Variants in DHX32 observed in about 807,000 individuals in gnomAD.
DHX32 encodes the protein putative pre-mRNA-splicing factor ATP-dependent RNA helicase DHX32.
A neutral mutation model predicts 70.0 loss-of-function variants in DHX32; 51 were observed. The observed-to-expected ratio is 0.73, with a 90% confidence interval of 0.58 to 0.92. The LOEUF is 0.92. DHX32 is among the 40% of genes least tolerant of loss of function. The pLI is 0.00. For synonymous variants in DHX32, 310 were observed against 315.3 expected (o/e 0.98, Z 0.18); for missense variants, 762 against 891.8 (o/e 0.85, Z 1.85).
Position 125,841,138 on chromosome 10 carries a change from T to G in DHX32, c.1544-142A>C. On this transcript the variant is annotated intron_variant, in intron 7 of 10. Transcript: ENST00000284690. ...AATAAATATGTTATTCTTGTTTACT[T>G]AGAAATCCCAGAAATTTAGAGTGAG... is the stretch of plus-strand genomic sequence containing the variant. 4 of 1,382,458 alleles carry G rather than the reference T, an allele frequency of 2.9e-6. No homozygotes were observed. In the South Asian group the frequency reaches 5.5e-5, roughly 19 times the overall value. 85.6% of individuals were successfully genotyped at this position (1,382,458 alleles called of 1,614,324 possible).
At chr10:125,855,615 ATTT>A (rs946792765) in intron 3 of DHX32, among the ~76,000 whole-genome samples, 3 of 151,278 alleles carry the variant, frequency 2.0e-5, no homozygotes, top group Non-Finnish European at 4.4e-5. Flanking sequence ...TGGCCGGCTA[ATTT>A]TTTTTGTATT....
intron 4 of DHX32, chr10:125,853,395 A>G (rs1944117291): frequency 2.3e-6 from 1 of 437,806 alleles, no homozygotes; most frequent in Non-Finnish European, 4.0e-6. Flanking sequence ...AGAGTTTGAG[A>G]TACCTTGTTT....
chr10:125,859,875 CA>C lies in DHX32; in HGVS notation c.576del (p.Ile192MetfsTer15), dbSNP rs1213742945. 1 of 1,614,026 alleles carries C rather than the reference CA, an allele frequency of 6.2e-7. No homozygotes were observed. Among genetic ancestry groups the C allele is most frequent in the South Asian group, 1.1e-5 (1 of 91,068 alleles). ...IILDDIHERSIATDVLLGLLK... is the reference protein window; with the variant it reads ...IILDDIHERSXATDVLLGLLK... ...AGAAGTCCAAGTAACACATCAGTTG[CA>C]ATGCTTCTTTCATGAATATCATCTA... is the stretch of plus-strand genomic sequence containing the variant. On this transcript the variant is annotated frameshift_variant, in exon 3 of 11. Coordinates refer to ENST00000284690, the MANE Select transcript of DHX32 (RefSeq NM_018180.3). LOFTEE classifies it high-confidence loss of function.
At chr10:125,857,891 T>A (rs926502512) in intron 3 of DHX32, among the ~76,000 whole-genome samples, 5 of 150,778 alleles carry the variant, frequency 3.3e-5, no homozygotes, top group African/African-American at 7.4e-5. Context: ...TTTTTTTTTT[T>A]AATTTTTCAT....
chr10:125,850,354 CTTTTTTTTTTT>C (rs765077777), intron 6 of DHX32, among the ~76,000 whole-genome samples: 4 of 124,560 alleles, frequency 3.2e-5, no homozygotes, highest in African/African-American at 1.2e-4. Context: ...TTCTTTCTTT[CTTTTTTTTTTT>C]TTTTTTTTTG....
intron 4 of DHX32, chr10:125,853,437 TAAAG>T (rs1011337985): frequency 1.3e-5 from 4 of 315,628 alleles, no homozygotes; most frequent in East Asian, 5.4e-5. Context: ...TTAAAAGTAA[TAAAG>T]AATATTTTGT....
intron 2 of DHX32, among the ~76,000 whole-genome samples, chr10:125,864,645 T>C (rs1944207963): frequency 6.6e-6 from 1 of 152,040 alleles, no homozygotes; most frequent in South Asian, 2.1e-4. Context: ...AGAAGTATCT[T>C]AGGCTGGGTG....
Position 125,859,766 on chromosome 10 carries a change from T to C in DHX32, c.686A>G (p.Tyr229Cys). 1 of 1,614,126 alleles carries C rather than the reference T, an allele frequency of 6.2e-7. No homozygotes were observed. The highest frequency in any genetic ancestry group is 8.5e-7 in the Non-Finnish European group (1 of 1,179,996). Residue 229 changes from tyrosine to cysteine, a missense_variant, in exon 3 of 11, where the codon TAT becomes TGT. Transcript: ENST00000284690. Reference protein sequence around the residue: ...PHLISKLNSYYGNVPVIEVKN... With the variant: ...PHLISKLNSYCGNVPVIEVKN... ...CACTTCTATGACAGGCACGTTTCCA[T>C]AATAAGAATTGAGTTTGCTGATCAG... is the stretch of plus-strand genomic sequence containing the variant.
Position 125,836,499 on chromosome 10 carries a change from G to T in DHX32, c.*188C>A, listed in dbSNP as rs1854689694. 7.3e-7 allele frequency: 1 copy of T among 1,372,424 alleles called. No homozygotes were observed. The highest frequency in any genetic ancestry group is 1.7e-5 in the South Asian group (1 of 57,342). The allele number at this position is 1,372,424 out of a possible 1,614,324, so 85.0% of individuals were successfully genotyped here. ...CTTTTCCAAGAAGAAGAAAAGCATG[G>T]AGTAGTAATTTAAAGAACTCAATAA... On this transcript the variant is annotated 3_prime_UTR_variant, in exon 11 of 11. Coordinates refer to ENST00000284690, the MANE Select transcript of DHX32 (RefSeq NM_018180.3).
intron 1 of DHX32, among the ~76,000 whole-genome samples, chr10:125,879,090 C>T (rs571626701): frequency 2.4e-5 from 3 of 123,514 alleles, no homozygotes; most frequent in African/African-American, 9.4e-5. Context: ...GTGGCATGAA[C>T]ATGGCTCACT....
chr10:125,886,951 G>T (rs1384716522), intron 1 of DHX32, among the ~76,000 whole-genome samples: 1 of 152,302 alleles, frequency 6.6e-6, no homozygotes, highest in East Asian at 1.9e-4. Flanking sequence ...ATGTCTTTCT[G>T]TCTCTTTACT....
Position 125,895,753 on chromosome 10 carries a change from C to T in DHX32, c.-248+465G>A, listed in dbSNP as rs1167369510. On this transcript the variant is annotated intron_variant, in intron 1 of 2. Coordinates refer to the DHX32 transcript ENST00000415732. ...CAAATCAACACACAAAAAACGAAGC[C>T]AGCGAGAAAGATCCAACCCGGGCCC... Among the ~76,000 whole-genome samples, 6 of 152,346 alleles carry T rather than the reference C, an allele frequency of 3.9e-5. No homozygotes were observed. In the South Asian group the frequency reaches 1.0e-3, roughly 26 times the overall value.
Position 125,880,965 on chromosome 10 carries a change from C to T in DHX32, c.-141G>A. On this transcript the variant is annotated 5_prime_UTR_variant, in exon 1 of 11. Transcript: ENST00000284690. Reference sequence around the variant, plus strand: ...CTAAGACTTCAGTTCAAGGTTTTAGCAAGTTAAATTCCTCAAACCTGCATC... The same window carrying T: ...CTAAGACTTCAGTTCAAGGTTTTAGTAAGTTAAATTCCTCAAACCTGCATC... 3 of 1,043,990 alleles carry T rather than the reference C, an allele frequency of 2.9e-6. No individual in the cohort carries two copies. In the South Asian group the frequency reaches 4.9e-5, roughly 17 times the overall value. 64.7% of individuals were successfully genotyped at this position (1,043,990 alleles called of 1,614,324 possible).
intron 1 of DHX32, among the ~76,000 whole-genome samples, chr10:125,875,750 T>G (rs1374264860): frequency 6.6e-6 from 1 of 152,230 alleles, no homozygotes; most frequent in Non-Finnish European, 1.5e-5. Context: ...GAAGGAGATC[T>G]GACCTGACAA....
intron 2 of DHX32, among the ~76,000 whole-genome samples, 154 bp from the exon 3 acceptor site, chr10:125,860,129 A>G (rs929733527): frequency 6.6e-6 from 1 of 152,192 alleles, no homozygotes; most frequent in Non-Finnish European, 1.5e-5. Flanking sequence ...GATACAATCT[A>G]CAGAATTATA....
In DHX32 at chr10:125,838,368, C is replaced by G; in HGVS notation, c.1901G>C (p.Gly634Ala). The G allele has an allele frequency of 6.3e-7, 1 of 1,588,424 alleles. No homozygotes were observed. The highest frequency in any genetic ancestry group is 8.5e-7 in the Non-Finnish European group (1 of 1,171,890). Residue 634 changes from glycine to alanine, a missense_variant, in exon 10 of 11, where the codon GGA (glycine) becomes GCA (alanine). By Grantham distance (60) the Gly-to-Ala change is moderately conservative. This residue lies in a region of DHX32 where 366 missense variants were observed against 402.6 expected (regional missense o/e 0.91). Transcript: ENST00000284690. ...YFMQIARDVD[G>A]SGNYLMLTHK... ...TGTCAGCATTAAGTAGTTACCTGAT[C>G]CATCAACATCCCGAGCAATCTGAAA...
At chr10:125,893,448 T>C (rs543741756) in intron 1 of DHX32, among the ~76,000 whole-genome samples, 16 of 152,280 alleles carry the variant, frequency 1.1e-4, no homozygotes, top group African/African-American at 3.4e-4. Context: ...TTTCACCGTG[T>C]TACCCAGCAT....
chr10:125,850,546 G>T (rs903528427), intron 6 of DHX32, among the ~76,000 whole-genome samples: 2 of 151,896 alleles, frequency 1.3e-5, no homozygotes, highest in Non-Finnish European at 2.9e-5. Flanking sequence ...GTAGAGACGA[G>T]ATTTCACCAC....
chr10:125,882,872 T>C (rs891006822), upstream of DHX32, among the ~76,000 whole-genome samples: 1 of 152,142 alleles, frequency 6.6e-6, no homozygotes, highest in Non-Finnish European at 1.5e-5. Context: ...AAGTTAAAAT[T>C]TAATTTTATA....
Sources: gnomAD v4.1 joint callset for allele counts (sites outside exome capture counted in the v4.1 genomes callset) on GRCh38, gnomAD v4.1.1 for gene constraint, gnomAD v4.1.1 regional missense constraint, MANE v1.5 for transcripts, NCBI Gene and HGNC (gene_info 2026-07-23, HGNC 2026-07-21) for gene names.